The following MEF2C variants were observed in gnomAD, a reference collection of about 807,000 sequenced individuals.
The protein encoded by MEF2C is myocyte-specific enhancer factor 2C.
A neutral mutation model predicts 50.5 loss-of-function variants in MEF2C; 6 were observed. The ratio of observed to expected loss-of-function variants is 0.12; its 90% CI spans 0.07 to 0.23. The LOEUF (loss-of-function observed/expected upper bound fraction) is 0.23. Ranked by LOEUF, MEF2C falls within the 10% of genes least tolerant of loss-of-function variation. MEF2C has a pLI of 1.00. For synonymous variants in MEF2C, 183 were observed against 228.0 expected, an observed-to-expected ratio of 0.80 and a Z score of 1.78; for missense variants, 276 against 605.0, an observed-to-expected ratio of 0.46 and a Z score of 5.70.
intron 3 of MEF2C, among the ~76,000 whole-genome samples, chr5:88,798,002 G>A (rs1006395768): frequency 2.0e-5 from 3 of 152,208 alleles, no homozygotes; most frequent in Non-Finnish European, 4.4e-5. Context: ...TAGGGTTTCT[G>A]TAGAGAGATC....
At chr5:88,876,757 A>T (rs1019205419) in intron 1 of MEF2C, among the ~76,000 whole-genome samples, 12 of 151,908 alleles carry the variant, frequency 7.9e-5, no homozygotes, top group African/African-American at 2.9e-4. Flanking sequence ...GCTGATTTTT[A>T]AAAAAACACT....
chr5:88,780,573 G>A (rs1787456938), intron 3 of MEF2C, among the ~76,000 whole-genome samples: 1 of 152,134 alleles, frequency 6.6e-6, no homozygotes, highest in African/African-American at 2.4e-5. Context: ...AGTGTTCCTG[G>A]CTCATTTCCA....
chr5:88,886,132 C>A (rs1834024449), upstream of MEF2C, among the ~76,000 whole-genome samples: 2 of 152,106 alleles, frequency 1.3e-5, no homozygotes, highest in African/African-American at 4.8e-5. Flanking sequence ...TTATGTGTGA[C>A]CTAAGTTAAT....
At chr5:88,820,110 G>A (rs1331723744) in intron 2 of MEF2C, among the ~76,000 whole-genome samples, 1 of 151,586 alleles carries the variant, frequency 6.6e-6, no homozygotes, top group Non-Finnish European at 1.5e-5. Flanking sequence ...CACATAATTG[G>A]TAACTACTTT....
intron 3 of MEF2C, among the ~76,000 whole-genome samples, chr5:88,802,655 C>T (rs938342280): frequency 2.0e-4 from 31 of 152,114 alleles, no homozygotes; most frequent in African/African-American, 7.5e-4. Flanking sequence ...TGCCATGTTA[C>T]CCAGGCTGCT....
intron 1 of MEF2C, among the ~76,000 whole-genome samples, chr5:88,857,815 T>A (rs1824016834): frequency 2.6e-5 from 4 of 152,244 alleles, no homozygotes; most frequent in Admixed American, 2.0e-4. Flanking sequence ...ATCTCTTTTC[T>A]TTATAAATTA....
intron 6 of MEF2C, chr5:88,734,577 T>TTTTTTG: frequency 1.1e-6 from 1 of 922,016 alleles, no homozygotes; most frequent in Non-Finnish European, 1.3e-6. Context: ...TTTTTTTTTT[T>TTTTTTG]TTTTTTTTTT....
chr5:88,825,508 C>T, intron 1 of MEF2C: 1 of 983,884 alleles, frequency 1.0e-6, no homozygotes, highest in Non-Finnish European at 1.2e-6. Flanking sequence ...GGAGGTGGTT[C>T]AAAATTCTAA....
intron 1 of MEF2C, among the ~76,000 whole-genome samples, chr5:88,830,112 C>A (rs957262552): frequency 1.3e-5 from 2 of 151,892 alleles, no homozygotes; most frequent in Non-Finnish European, 2.9e-5. Flanking sequence ...ACAATAATCA[C>A]CAAATGAAGA....
intron 10 of MEF2C, among the ~76,000 whole-genome samples, chr5:88,727,532 A>T (rs34319): frequency 0.49 from 74,132 of 151,956 alleles, 19,437 homozygotes; most frequent in East Asian, 0.59. Context: ...TTTTATTCTC[A>T]CTGTCTCCTT....
intron 4 of MEF2C, chr5:88,760,857 G>A (rs1777529875): frequency 1.0e-6 from 1 of 994,620 alleles, no homozygotes. Flanking sequence ...TAAATGAGCT[G>A]CCCGTGGGAT....
At chr5:88,740,000 C>G (rs1765838718) in intron 6 of MEF2C, 1 of 985,186 alleles carries the variant, frequency 1.0e-6, no homozygotes, top group East Asian at 1.1e-4. Context: ...GAAGAAACTT[C>G]TCTGAAACCT....
chr5:88,742,461 G>A, intron 6 of MEF2C: 2 of 979,606 alleles, frequency 2.0e-6, no homozygotes, highest in African/African-American at 1.7e-5. Flanking sequence ...TAAATCAATG[G>A]GATATGAGTA....
intron 1 of MEF2C, among the ~76,000 whole-genome samples, chr5:88,902,537 C>T (rs1363887): frequency 0.18 from 24,654 of 136,730 alleles, 2,723 homozygotes; most frequent in Non-Finnish European, 0.24. Context: ...TTTTCAACAG[C>T]AATTACAACA....
At chr5:88,871,918 G>A (rs1404733568) in intron 1 of MEF2C, among the ~76,000 whole-genome samples, 1 of 151,906 alleles carries the variant, frequency 6.6e-6, no homozygotes, top group African/African-American at 2.4e-5. Context: ...AGGATAATAA[G>A]GGTAGCATTT....
intron 6 of MEF2C, chr5:88,739,143 C>T (rs762780896): frequency 2.2e-5 from 22 of 984,732 alleles, no homozygotes; most frequent in East Asian, 1.1e-4. Context: ...TTAGTATCTG[C>T]GATTAGTTGT....
intron 3 of MEF2C, among the ~76,000 whole-genome samples, chr5:88,802,429 T>A (rs570714662): frequency 6.6e-6 from 1 of 152,288 alleles, no homozygotes; most frequent in East Asian, 1.9e-4. Flanking sequence ...TCATACAATA[T>A]ATGAAGTGGG....
chr5:88,779,760 G>GTTTTTTTT (rs70996493), intron 3 of MEF2C, among the ~76,000 whole-genome samples: 3 of 147,158 alleles, frequency 2.0e-5, no homozygotes, highest in Non-Finnish European at 3.0e-5. Flanking sequence ...GCAAAGTGAG[G>GTTTTTTTT]TTTTTTTTTT....
At chr5:88,770,613 C>T (rs1241640355) in intron 3 of MEF2C, among the ~76,000 whole-genome samples, 2 of 152,164 alleles carry the variant, frequency 1.3e-5, no homozygotes, top group East Asian at 3.8e-4. Flanking sequence ...CCCATCTTTC[C>T]CTTCCTAGCA....
Sources: allele counts gnomAD v4.1 joint callset (sites outside exome capture counted in the v4.1 genomes callset), GRCh38; gene constraint gnomAD v4.1.1; transcripts MANE v1.5; gene names NCBI Gene and HGNC (gene_info 2026-07-23, HGNC 2026-07-21).